Variants in CCDC171 observed in about 807,000 individuals in gnomAD.
CCDC171 encodes the protein coiled-coil domain-containing protein 171.
In CCDC171, 177 loss-of-function variants were observed where a neutral mutation model predicts 168.2. The observed-to-expected ratio is 1.05, with a 90% CI of 0.93 to 1.19. CCDC171 has a LOEUF of 1.19. Ranked by LOEUF, CCDC171 falls within the 50% of genes most tolerant of loss-of-function variation. CCDC171 has a pLI of 0.00. For missense variants in CCDC171, 1,991 were observed against 1,539.0 expected (o/e 1.29, Z -4.91); for synonymous variants, 687 against 540.8 (o/e 1.27, Z -3.75).
intron 25 of CCDC171, among the ~76,000 whole-genome samples, chr9:15,924,595 A>G (rs1031428959): frequency 1.3e-5 from 2 of 151,534 alleles, no homozygotes; most frequent in Admixed American, 6.6e-5. Flanking sequence ...TTGAGCATGT[A>G]ACTCCTCTTC....
chr9:15,680,935 T>G (rs2049998922), intron 10 of CCDC171, among the ~76,000 whole-genome samples: 1 of 152,184 alleles, frequency 6.6e-6, no homozygotes, highest in African/African-American at 2.4e-5. Context: ...TGAATTTTCC[T>G]AATTCTGGTT....
At chr9:15,701,825 A>G (rs2051772762) in intron 11 of CCDC171, among the ~76,000 whole-genome samples, 2 of 152,170 alleles carry the variant, frequency 1.3e-5, no homozygotes, top group Admixed American at 6.5e-5. Flanking sequence ...ACTTCTTCCA[A>G]ATTCCTGTGA....
intron 1 of CCDC171, among the ~76,000 whole-genome samples, chr9:16,059,167 C>T (rs1206897177): frequency 6.6e-6 from 1 of 152,206 alleles, no homozygotes; most frequent in African/African-American, 2.4e-5. Flanking sequence ...ACAATTATAA[C>T]AGCTGCCATT....
chr9:15,632,879 C>G (rs1489242692), intron 7 of CCDC171, among the ~76,000 whole-genome samples: 2 of 152,156 alleles, frequency 1.3e-5, no homozygotes, highest in Non-Finnish European at 2.9e-5. Context: ...ATATCTATGA[C>G]TATCTGATCT....
intron 24 of CCDC171, among the ~76,000 whole-genome samples, chr9:15,913,440 T>A (rs958394861): frequency 1.3e-5 from 2 of 152,226 alleles, no homozygotes; most frequent in African/African-American, 4.8e-5. Flanking sequence ...TTTGTTTGGC[T>A]GGCAGCGTAT....
In CCDC171 at chr9:15,623,324, C is replaced by T. The variant is rs2044661033; in HGVS notation, c.733C>T (p.His245Tyr). ...GAAAGTAGAAAAATTAGAAACAGAA[C>T]ATATGGACTGCTCTGACCTTTTACG... ...HKKVEKLETE[H>Y]MDCSDLLRRQ... Residue 245 changes from histidine to tyrosine, a missense_variant, in exon 7 of 26, where the codon CAT becomes TAT. Physicochemically the swap from His to Tyr is moderately conservative, Grantham distance 83. Coordinates refer to ENST00000380701, the MANE Select transcript of CCDC171 (RefSeq NM_173550.4). 4 of 1,608,814 alleles carry T rather than the reference C, an allele frequency of 2.5e-6. No individual in the cohort carries two copies. The highest frequency in any genetic ancestry group is 1.7e-4 in the Middle Eastern group (1 of 6,042).
chr9:15,822,968 A>G (rs182817219), intron 21 of CCDC171, among the ~76,000 whole-genome samples: 25 of 152,326 alleles, frequency 1.6e-4, no homozygotes, highest in African/African-American at 5.3e-4. Context: ...GGATTAAGAA[A>G]TTGTGGCACA....
chr9:15,637,635 A>G (rs1257865911), intron 7 of CCDC171, among the ~76,000 whole-genome samples: 1 of 100,454 alleles, frequency 1.0e-5, no homozygotes, highest in African/African-American at 4.0e-5. Context: ...CCACCCCACA[A>G]CAGTCCCCAG....
intron 3 of CCDC171, among the ~76,000 whole-genome samples, chr9:16,019,924 C>A (rs922758242): frequency 2.6e-5 from 4 of 152,058 alleles, no homozygotes; most frequent in African/African-American, 9.7e-5. Flanking sequence ...TTTTAAAATG[C>A]GAATCAATAT....
At chr9:15,836,631 G>A (rs1457623568) in intron 21 of CCDC171, among the ~76,000 whole-genome samples, 3 of 152,196 alleles carry the variant, frequency 2.0e-5, no homozygotes, top group Non-Finnish European at 4.4e-5. Flanking sequence ...GATTACAGGC[G>A]TGAGCCACCG....
intron 7 of CCDC171, among the ~76,000 whole-genome samples, chr9:15,625,729 A>G (rs1479356727): frequency 1.3e-5 from 2 of 152,164 alleles, no homozygotes; most frequent in South Asian, 2.1e-4. Context: ...GCCTTGTATT[A>G]TAGTTTGAAG....
intron 25 of CCDC171, among the ~76,000 whole-genome samples, chr9:15,929,378 C>A (rs1169353331): frequency 6.6e-6 from 1 of 151,682 alleles, no homozygotes; most frequent in African/African-American, 2.4e-5. Context: ...TATTAAACAT[C>A]TGCACTTTGA....
In CCDC171 at chr9:15,971,860, G is replaced by A; in HGVS notation, c.*24G>A. On this transcript the variant is annotated 3_prime_UTR_variant, in exon 26 of 26. Transcript: ENST00000380701. ...GACTTCATGAAATTAAAAAATGGAG[G>A]AAGAGTTAACAGTACAATTAAAATT... is the stretch of plus-strand genomic sequence containing the variant. The A allele has an allele frequency of 4.5e-6, 7 of 1,566,098 alleles. No individual in the cohort carries two copies. Among genetic ancestry groups the A allele is most frequent in the Non-Finnish European group, 6.2e-6 (7 of 1,137,164 alleles).
In CCDC171 at chr9:15,796,531, A is replaced by G. The variant is rs1588555019; in HGVS notation, c.3267+11837A>G. 2.6e-5 allele frequency among the ~76,000 whole-genome samples: 4 copies of G among 152,364 alleles called. No homozygotes were observed. The South Asian group carries it at 8.3e-4, about 32-fold the overall frequency. Reference sequence around the variant, plus strand: ...TAATTCAAAATAACTTAATTGAGGTATAATTATAACAATATAATGTACACT... The same window carrying G: ...TAATTCAAAATAACTTAATTGAGGTGTAATTATAACAATATAATGTACACT... On this transcript the variant is annotated intron_variant, in intron 21 of 25. Coordinates refer to ENST00000380701, the MANE Select transcript of CCDC171 (RefSeq NM_173550.4).
intron 24 of CCDC171, among the ~76,000 whole-genome samples, chr9:15,902,281 T>C (rs12683908): frequency 0.85 from 123,893 of 145,122 alleles, 52,986 homozygotes; most frequent in East Asian, 0.96. Flanking sequence ...TATATATATA[T>C]ACACACACAC....
intron 21 of CCDC171, among the ~76,000 whole-genome samples, chr9:15,840,081 G>C (rs1463446022): frequency 6.6e-6 from 1 of 151,972 alleles, no homozygotes; most frequent in Non-Finnish European, 1.5e-5. Context: ...TTTAAATTCT[G>C]TAGTACAGTG....
intron 25 of CCDC171, among the ~76,000 whole-genome samples, chr9:15,936,267 A>G (rs1827105768): frequency 6.6e-6 from 1 of 152,032 alleles, no homozygotes; most frequent in African/African-American, 2.4e-5. Context: ...TTTGAATCAT[A>G]TGAAAGTTAT....
At chr9:15,566,271 T>A (rs961756145) in intron 2 of CCDC171, among the ~76,000 whole-genome samples, 1 of 152,122 alleles carries the variant, frequency 6.6e-6, no homozygotes, top group African/African-American at 2.4e-5. Flanking sequence ...GATACATGAT[T>A]TGCTGGCCTG....
intron 2 of CCDC171, among the ~76,000 whole-genome samples, chr9:15,566,923 A>G (rs917360239): frequency 1.3e-5 from 2 of 151,902 alleles, no homozygotes; most frequent in African/African-American, 2.4e-5. Flanking sequence ...TAAGAGTAAC[A>G]TTTCCCCGTT....
Sources: allele counts gnomAD v4.1 joint callset (sites outside exome capture counted in the v4.1 genomes callset), GRCh38; gene constraint gnomAD v4.1.1; transcripts MANE v1.5; gene names NCBI Gene and HGNC (gene_info 2026-07-23, HGNC 2026-07-21).